Variants in WNT3 observed in about 807,000 individuals in gnomAD.
The protein encoded by WNT3 is proto-oncogene Wnt-3.
Under a neutral mutation model 34.2 loss-of-function variants are expected in WNT3, and 7 were observed. The ratio of observed to expected loss-of-function variants is 0.20; its 90% CI spans 0.12 to 0.38. WNT3 has a LOEUF of 0.38. WNT3 is among the 10% of genes least tolerant of loss of function. The pLI, the probability that WNT3 is intolerant of heterozygous loss-of-function variation, is 1.00. For missense variants in WNT3, 267 were observed against 499.8 expected (o/e 0.53, Z 4.44); for synonymous variants, 212 against 211.5 (o/e 1.00, Z -0.02).
At chr17:46,771,109 T>C (rs1045362037) in intron 2 of WNT3, among the ~76,000 whole-genome samples, 13 of 152,190 alleles carry the variant, frequency 8.5e-5, no homozygotes, top group African/African-American at 3.1e-4. Context: ...GGGACCCCTC[T>C]TGGCTCCCGC....
At position 46,764,433 on chromosome 17, in the gene WNT3, A is replaced by C. The variant is rs555003133; in HGVS notation, c.*197T>G. The C allele has an allele frequency of 1.1e-4, 17 of 152,658 alleles. No homozygotes were observed. Among genetic ancestry groups the C allele is most frequent in the African/African-American group, 3.8e-4 (16 of 41,572 alleles). 9.5% of individuals were successfully genotyped at this position (152,658 alleles called of 1,614,324 possible). The stretch of plus-strand genomic sequence containing the variant: ...ACACACCATCCAGAGTAGGGTGAGA[A>C]ATGTAAGATGAGAGAGAGGGAGAGC... On this transcript the variant is annotated 3_prime_UTR_variant, in exon 5 of 5. Transcript: ENST00000225512.
intron 1 of WNT3, among the ~76,000 whole-genome samples, chr17:46,801,433 A>T (rs1468645937): frequency 6.7e-6 from 1 of 148,954 alleles, no homozygotes; most frequent in Non-Finnish European, 1.5e-5. Context: ...CAGCCTGGCC[A>T]ACATGGTGAA....
At chr17:46,764,933 C>T (rs750214695) in intron 4 of WNT3, among the ~76,000 whole-genome samples, 1 of 152,226 alleles carries the variant, frequency 6.6e-6, no homozygotes, top group Non-Finnish European at 1.5e-5. Context: ...ATGGGAGAAA[C>T]GGTGCCTGGC....
intron 1 of WNT3, among the ~76,000 whole-genome samples, chr17:46,794,023 C>G (rs901620477): frequency 1.3e-5 from 2 of 152,104 alleles, no homozygotes; most frequent in Non-Finnish European, 2.9e-5. Flanking sequence ...GGGGACATAA[C>G]CAAGACAGTG....
chr17:46,795,892 A>ACACG (rs2084047070), intron 1 of WNT3, among the ~76,000 whole-genome samples: 1 of 151,958 alleles, frequency 6.6e-6, no homozygotes, highest in Admixed American at 6.6e-5. Flanking sequence ...ACACACACAC[A>ACACG]CATGCATGCA....
chr17:46,814,721 C>G (rs921693011), intron 1 of WNT3, among the ~76,000 whole-genome samples: 1 of 152,230 alleles, frequency 6.6e-6, no homozygotes, highest in African/African-American at 2.4e-5. Flanking sequence ...CTTCCTCCCC[C>G]GCAGTCTCCA....
chr17:46,794,377 T>A (rs533767213), intron 1 of WNT3, among the ~76,000 whole-genome samples: 2 of 152,302 alleles, frequency 1.3e-5, no homozygotes, highest in South Asian at 4.1e-4. Flanking sequence ...GCCCAGGCCC[T>A]ATATGCAGGC....
rs537946570 is a variant in WNT3 at position 46,784,481 on chromosome 17, C to T, written c.81-10572G>A. On this transcript the variant is annotated intron_variant, in intron 1 of 4. Transcript: ENST00000225512. ...GGGCACACGGTGGGAGGACACTGAG[C>T]GTCACGGTGGGAGCATTGATGCCAT... 5.9e-5 allele frequency among the ~76,000 whole-genome samples: 9 copies of T among 151,998 alleles called. No individual in the cohort carries two copies. In the East Asian group the frequency reaches 7.8e-4, roughly 13 times the overall value.
chr17:46,794,613 C>A (rs1475521802), intron 1 of WNT3, among the ~76,000 whole-genome samples: 1 of 152,168 alleles, frequency 6.6e-6, no homozygotes, highest in African/African-American at 2.4e-5. Context: ...CACCTTAACC[C>A]ATTCTCACAC....
intron 1 of WNT3, among the ~76,000 whole-genome samples, chr17:46,807,169 G>T (rs188124896): frequency 1.5e-4 from 23 of 152,304 alleles, no homozygotes; most frequent in Middle Eastern, 3.4e-3. Context: ...TGTAGACTTG[G>T]GGAAAAGCTG....
chr17:46,805,653 A>G (rs868146855), intron 1 of WNT3, among the ~76,000 whole-genome samples: 2 of 152,336 alleles, frequency 1.3e-5, no homozygotes, highest in Non-Finnish European at 2.9e-5. Context: ...TGGCAATCTA[A>G]GGCAGGAGGA....
intron 1 of WNT3, among the ~76,000 whole-genome samples, chr17:46,807,195 AAAG>A (rs2084208608): frequency 6.6e-6 from 1 of 152,198 alleles, no homozygotes; most frequent in African/African-American, 2.4e-5. Context: ...AAAGAAACAG[AAAG>A]AAGGCCGGGC....
intron 1 of WNT3, among the ~76,000 whole-genome samples, chr17:46,778,394 T>C (rs2059429571): frequency 6.6e-6 from 1 of 152,072 alleles, no homozygotes. Context: ...TCAGATGGGG[T>C]CATCCTGCGA....
intron 1 of WNT3, among the ~76,000 whole-genome samples, chr17:46,784,613 C>T (rs1289586238): frequency 1.3e-5 from 2 of 152,014 alleles, no homozygotes; most frequent in South Asian, 2.1e-4. Flanking sequence ...TGGGCTCTCC[C>T]GAAACCTCAG....
At chr17:46,767,779 T>G (rs538644972) in intron 4 of WNT3, among the ~76,000 whole-genome samples, 91 of 152,158 alleles carry the variant, frequency 6.0e-4, no homozygotes, top group Non-Finnish European at 7.6e-4. Flanking sequence ...TTTTGTTTTT[T>G]TTTGTTTGTT....
intron 1 of WNT3, among the ~76,000 whole-genome samples, chr17:46,803,453 G>A (rs1199960179): frequency 6.6e-6 from 1 of 152,198 alleles, no homozygotes; most frequent in Non-Finnish European, 1.5e-5. Context: ...AGAATCGCTT[G>A]AACCTGGGAG....
At chr17:46,807,964 G>T (rs762329455) in intron 1 of WNT3, among the ~76,000 whole-genome samples, 1 of 152,184 alleles carries the variant, frequency 6.6e-6, no homozygotes, top group Non-Finnish European at 1.5e-5. Context: ...ACAATTGGCT[G>T]TTTCAGAGAT....
intron 1 of WNT3, among the ~76,000 whole-genome samples, chr17:46,783,717 G>T (rs911264689): frequency 6.6e-6 from 1 of 152,206 alleles, no homozygotes; most frequent in Admixed American, 6.5e-5. Flanking sequence ...AGCAGCTACC[G>T]AGCTGGAGAA....
Position 46,762,883 on chromosome 17 carries a change from T to A in WNT3, c.*1747A>T, listed in dbSNP as rs1475406463. On this transcript the variant is annotated 3_prime_UTR_variant, in exon 5 of 5. Coordinates refer to ENST00000225512, the MANE Select transcript of WNT3 (RefSeq NM_030753.5). The stretch of plus-strand genomic sequence containing the variant: ...ACTTTTAATATAGAATACATAGATA[T>A]GAAAAGATTGTTTTGAAAATTCGTA... 1 of 152,220 alleles carries A rather than the reference T, an allele frequency of 6.6e-6. No homozygotes were observed. The highest frequency in any genetic ancestry group is 1.5e-5 in the Non-Finnish European group (1 of 68,046). 9.4% of individuals were successfully genotyped at this position (152,220 alleles called of 1,614,324 possible).
Sources: gnomAD v4.1 joint callset for allele counts (sites outside exome capture counted in the v4.1 genomes callset) on GRCh38, gnomAD v4.1.1 for gene constraint, MANE v1.5 for transcripts, NCBI Gene and HGNC (gene_info 2026-07-23, HGNC 2026-07-21) for gene names.